ADTRP: variants seen among roughly 807,000 people sequenced by gnomAD.
ADTRP encodes androgen-dependent TFPI-regulating protein.
ADTRP carries 20 observed loss-of-function variants against 27.0 expected under a neutral mutation model. The ratio of observed to expected loss-of-function variants is 0.74; its 90% CI spans 0.52 to 1.08. The LOEUF is 1.08. ADTRP is among the 50% of genes least tolerant of loss of function. The pLI is 0.00. For missense variants in ADTRP, 251 were observed against 275.0 expected (o/e 0.91, Z 0.62); for synonymous variants, 101 against 105.2 (o/e 0.96, Z 0.25).
At chr6:11,747,688 T>G (rs998696840) in intron 3 of ADTRP, among the ~76,000 whole-genome samples, 10 of 152,300 alleles carry the variant, frequency 6.6e-5, no homozygotes, top group African/African-American at 2.4e-4. Flanking sequence ...TCTTTGCCCA[T>G]CAACAGGAAC....
intron 1 of ADTRP, among the ~76,000 whole-genome samples, chr6:11,769,636 C>G (rs1038997570): frequency 6.6e-6 from 1 of 151,834 alleles, no homozygotes; most frequent in Non-Finnish European, 1.5e-5. Context: ...GAAAAACTAC[C>G]TATTGGGTAC....
chr6:11,720,255 T>G (rs1279740126), intron 5 of ADTRP, among the ~76,000 whole-genome samples: 1 of 152,126 alleles, frequency 6.6e-6, no homozygotes, highest in Non-Finnish European at 1.5e-5. Context: ...GAACTGAAGA[T>G]CTGGAGAAAG....
At chr6:11,727,975 T>TAGGTAGGG (rs1762268445) in intron 4 of ADTRP, among the ~76,000 whole-genome samples, 1 of 47,362 alleles carries the variant, frequency 2.1e-5, no homozygotes, top group East Asian at 1.8e-3. Flanking sequence ...GGGAGGGAGG[T>TAGGTAGGG]AGGTAGGGAG....
At chr6:11,729,619 T>C (rs2294427) in intron 4 of ADTRP, among the ~76,000 whole-genome samples, 47,259 of 151,836 alleles carry the variant, frequency 0.31, 9,173 homozygotes, top group Non-Finnish European at 0.44. Context: ...CTCAGCCCCA[T>C]CTTTCTTGAG....
intron 3 of ADTRP, among the ~76,000 whole-genome samples, chr6:11,765,498 CT>C (rs1763541554): frequency 1.3e-5 from 2 of 151,752 alleles, no homozygotes; most frequent in African/African-American, 4.8e-5. Flanking sequence ...CGGCTATCCC[CT>C]GGGTATTTAA....
chr6:11,772,416 G>T (rs113531755), intron 1 of ADTRP, among the ~76,000 whole-genome samples: 1 of 152,192 alleles, frequency 6.6e-6, no homozygotes, highest in Admixed American at 6.5e-5. Context: ...TCAAATCGTG[G>T]AAGCTTAGCC....
chr6:11,741,858 A>C (rs1762730166), intron 3 of ADTRP, among the ~76,000 whole-genome samples: 1 of 152,012 alleles, frequency 6.6e-6, no homozygotes, highest in Non-Finnish European at 1.5e-5. Context: ...TCTCTCTGGC[A>C]ATAATAACAC....
At chr6:11,722,022 A>AAT (rs1180208792) in intron 5 of ADTRP, among the ~76,000 whole-genome samples, 3 of 152,028 alleles carry the variant, frequency 2.0e-5, no homozygotes, top group Non-Finnish European at 2.9e-5. Context: ...AGCTTCTTTA[A>AAT]ATATATATAG....
chr6:11,740,890 T>C (rs1561754338), intron 3 of ADTRP, among the ~76,000 whole-genome samples: 1 of 152,240 alleles, frequency 6.6e-6, no homozygotes, highest in African/African-American at 2.4e-5. Flanking sequence ...ACGTAGGCTA[T>C]AGAGCTTATG....
intron 5 of ADTRP, among the ~76,000 whole-genome samples, chr6:11,716,088 A>G (rs992421928): frequency 1.3e-5 from 2 of 152,060 alleles, no homozygotes; most frequent in African/African-American, 2.4e-5. Flanking sequence ...TGGGCCTTTA[A>G]TGAATTCTTT....
intron 3 of ADTRP, among the ~76,000 whole-genome samples, chr6:11,758,654 C>T (rs921202949): frequency 6.7e-6 from 1 of 149,312 alleles, no homozygotes; most frequent in Non-Finnish European, 1.5e-5. Flanking sequence ...ACCAACATGG[C>T]ACATGTATAC....
At chr6:11,761,580 A>T (rs946699799) in intron 3 of ADTRP, among the ~76,000 whole-genome samples, 1 of 152,184 alleles carries the variant, frequency 6.6e-6, no homozygotes, top group African/African-American at 2.4e-5. Context: ...TGTCACCCAC[A>T]TAAGGACACA....
intron 4 of ADTRP, among the ~76,000 whole-genome samples, chr6:11,731,654 A>T (rs13215825): frequency 1.1e-4 from 16 of 151,438 alleles, no homozygotes; most frequent in Admixed American, 8.6e-4. Flanking sequence ...TCTAGCTCCA[A>T]TCCTGCCGGT....
chr6:11,750,611 C>T (rs913335809), intron 3 of ADTRP, among the ~76,000 whole-genome samples: 6 of 152,188 alleles, frequency 3.9e-5, no homozygotes, highest in African/African-American at 7.2e-5. Flanking sequence ...GGCCTCTCCT[C>T]CAGGAGAGGA....
rs1762522123 is a variant in ADTRP, at chr6:11,735,600, C to T, written c.474G>A (p.Leu158=). Residue 158 remains leucine (L), a synonymous_variant, in exon 4 of 6, where the codon TTG becomes TTA. Transcript: ENST00000414691. The stretch of plus-strand genomic sequence containing the variant: ...TGTAAGCAATGCTGGCAGCAGCCAG[C>T]AAGGTGAGTCCTGTCTTCTTTGATG... ...SYPSKKTGLT[L]LAAASIAYIS... is the part of the protein sequence containing the mutation. The T allele has an allele frequency of 6.2e-7, 1 of 1,613,848 alleles. No individual in the cohort carries two copies. Among genetic ancestry groups the T allele is most frequent in the African/African-American group, 1.3e-5 (1 of 74,914 alleles).
chr6:11,766,041 A>G (rs1763560173), intron 3 of ADTRP, among the ~76,000 whole-genome samples: 1 of 152,142 alleles, frequency 6.6e-6, no homozygotes, highest in Non-Finnish European at 1.5e-5. Context: ...AGACTTCCTA[A>G]GCAACATGGC....
chr6:11,723,599 G>A (rs2076184), intron 4 of ADTRP, 99 bp from the exon 5 acceptor site: 144,336 of 1,409,336 alleles, frequency 0.1, 21,392 homozygotes, highest in East Asian at 0.61. Flanking sequence ...GGCAGGGGAA[G>A]AGAACCCATC....
intron 3 of ADTRP, among the ~76,000 whole-genome samples, chr6:11,753,724 A>G (rs1434195451): frequency 6.6e-6 from 1 of 152,218 alleles, no homozygotes; most frequent in Non-Finnish European, 1.5e-5. Context: ...TATTTCTGCC[A>G]ATCACTGCTA....
intron 1 of ADTRP, chr6:11,770,237 T>C: frequency 1.4e-6 from 1 of 720,996 alleles, no homozygotes. Context: ...CCCCCAGAGA[T>C]TCTAATGTAA....
Sources: gnomAD v4.1 joint callset for allele counts (sites outside exome capture counted in the v4.1 genomes callset) on GRCh38, gnomAD v4.1.1 for gene constraint, MANE v1.5 for transcripts, NCBI Gene and HGNC (gene_info 2026-07-23, HGNC 2026-07-21) for gene names.